Variants in TBC1D5 observed in about 807,000 individuals in gnomAD.
TBC1D5 encodes the protein TBC1 domain family, member 5.
A neutral mutation model predicts 100.3 loss-of-function variants in TBC1D5; 75 were observed. The observed-to-expected ratio is 0.75, with a 90% CI of 0.62 to 0.91. The LOEUF (loss-of-function observed/expected upper bound fraction) is 0.91. TBC1D5 is among the 40% of genes least tolerant of loss of function. TBC1D5 has a pLI of 0.00. For missense variants in TBC1D5, 910 were observed against 942.4 expected (o/e 0.97, Z 0.45); for synonymous variants, 323 against 325.6 (o/e 0.99, Z 0.09).
intron 3 of TBC1D5, among the ~76,000 whole-genome samples, chr3:17,502,096 T>C (rs2095793996): frequency 1.3e-5 from 2 of 149,486 alleles, no homozygotes; most frequent in South Asian, 4.2e-4. Context: ...CCTCTTCCTG[T>C]CTTTGCTCTA....
chr3:17,645,224 A>C (rs2064906120), intron 1 of TBC1D5, among the ~76,000 whole-genome samples: 5 of 152,096 alleles, frequency 3.3e-5, no homozygotes, highest in Admixed American at 6.6e-5. Flanking sequence ...CTTAGGAAAA[A>C]CAGCTTCCTA....
chr3:17,653,092 T>C (rs954149756), intron 1 of TBC1D5, among the ~76,000 whole-genome samples: 1 of 152,180 alleles, frequency 6.6e-6, no homozygotes, highest in African/African-American at 2.4e-5. Context: ...CTATATTCTA[T>C]TATTCCACTT....
intron 2 of TBC1D5, among the ~76,000 whole-genome samples, chr3:17,571,038 G>A (rs1401322370): frequency 1.3e-5 from 2 of 151,868 alleles, no homozygotes; most frequent in Admixed American, 1.3e-4. Context: ...CAACATGCTT[G>A]ACTCAAAAGA....
At chr3:17,489,179 C>T (rs1267604928) in intron 3 of TBC1D5, among the ~76,000 whole-genome samples, 1 of 151,498 alleles carries the variant, frequency 6.6e-6, no homozygotes, top group Non-Finnish European at 1.5e-5. Flanking sequence ...AGAATGTTTG[C>T]TGTAGTATAT....
At chr3:17,262,337 A>G (rs1441142028) in intron 15 of TBC1D5, among the ~76,000 whole-genome samples, 1 of 152,178 alleles carries the variant, frequency 6.6e-6, no homozygotes, top group Non-Finnish European at 1.5e-5. Flanking sequence ...CAGTAAAAAC[A>G]TGGTATTATA....
chr3:17,702,716 G>C (rs2073385350), intron 1 of TBC1D5, among the ~76,000 whole-genome samples: 1 of 152,066 alleles, frequency 6.6e-6, no homozygotes, highest in African/African-American at 2.4e-5. Context: ...ACAAAATTTA[G>C]CAAGATTACT....
chr3:17,537,930 A>T (rs1260059201), intron 2 of TBC1D5, among the ~76,000 whole-genome samples: 1 of 152,212 alleles, frequency 6.6e-6, no homozygotes, highest in East Asian at 1.9e-4. Context: ...GGTCCTGACG[A>T]CATGTGTCCA....
At chr3:17,487,047 G>T (rs2095577932) in intron 3 of TBC1D5, among the ~76,000 whole-genome samples, 1 of 152,112 alleles carries the variant, frequency 6.6e-6, no homozygotes, top group African/African-American at 2.4e-5. Flanking sequence ...TACAACGGTG[G>T]TCAACAAACT....
At chr3:17,492,297 A>G (rs180806877) in intron 3 of TBC1D5, among the ~76,000 whole-genome samples, 141 of 151,650 alleles carry the variant, frequency 9.3e-4, no homozygotes, top group East Asian at 7.0e-3. Flanking sequence ...TCCCACTCTG[A>G]TCTTGGTTAT....
intron 13 of TBC1D5, among the ~76,000 whole-genome samples, chr3:17,364,095 A>T (rs1207602823): frequency 6.6e-6 from 1 of 151,966 alleles, no homozygotes; most frequent in Non-Finnish European, 1.5e-5. Flanking sequence ...GAATGTCTTC[A>T]CTGATATTCT....
chr3:17,632,209 G>A (rs1274247240), intron 1 of TBC1D5, among the ~76,000 whole-genome samples: 1 of 152,108 alleles, frequency 6.6e-6, no homozygotes, highest in Non-Finnish European at 1.5e-5. Context: ...ATATTTCCGT[G>A]GAGTAAAGAA....
intron 3 of TBC1D5, among the ~76,000 whole-genome samples, chr3:17,431,911 AAAG>A (rs2094453194): frequency 6.6e-6 from 1 of 152,118 alleles, no homozygotes; most frequent in Non-Finnish European, 1.5e-5. Context: ...AAATCTTTCT[AAAG>A]GGAGGTTTAC....
intron 3 of TBC1D5, among the ~76,000 whole-genome samples, chr3:17,471,337 A>C (rs2150127927): frequency 6.6e-6 from 1 of 152,344 alleles, no homozygotes; most frequent in African/African-American, 2.4e-5. Flanking sequence ...TAAGAAGGTA[A>C]TGAAATGGTA....
At chr3:17,703,939 T>C (rs1403868116) in intron 1 of TBC1D5, among the ~76,000 whole-genome samples, 1 of 149,966 alleles carries the variant, frequency 6.7e-6, no homozygotes, top group Admixed American at 6.6e-5. Flanking sequence ...ATTTATTTTT[T>C]TATTGATAAT....
chr3:17,189,242 T>TA (rs1489271770), intron 18 of TBC1D5, among the ~76,000 whole-genome samples: 1 of 152,252 alleles, frequency 6.6e-6, no homozygotes, highest in Admixed American at 6.5e-5. Flanking sequence ...TGGATTTAAA[T>TA]ACAAAGTTTT....
At chr3:17,413,450 T>C (rs2093988134) in intron 4 of TBC1D5, among the ~76,000 whole-genome samples, 3 of 152,178 alleles carry the variant, frequency 2.0e-5, no homozygotes, top group Admixed American at 1.3e-4. Context: ...TATTTTGACA[T>C]GGAAAGCAAT....
At chr3:17,742,298 C>A (rs966692925), upstream of TBC1D5, among the ~76,000 whole-genome samples, 2 of 152,158 alleles carry the variant, frequency 1.3e-5, no homozygotes, top group Non-Finnish European at 2.9e-5. Context: ...ACCCTCAGGC[C>A]CTCCCGTGAG....
rs2080480258 is a variant in TBC1D5 at position 17,280,647 on chromosome 3, A to C, written c.1245+11248T>G. On this transcript the variant is annotated intron_variant, in intron 15 of 21. Transcript: ENST00000253692. ...CAGGGGAAGATCATCTTCCTGCTCC[A>C]TCCCCTTCTCAGCTCCCCTTCCCAC... Among the ~76,000 whole-genome samples the C allele has an allele frequency of 1.3e-5, 2 of 152,122 alleles. 1 individual carries two copies. Among genetic ancestry groups the C allele is most frequent in the Admixed American group, 1.3e-4 (2 of 15,278 alleles).
At chr3:17,172,751 C>G (rs2067291740) in intron 19 of TBC1D5, among the ~76,000 whole-genome samples, 2 of 152,164 alleles carry the variant, frequency 1.3e-5, no homozygotes, top group Non-Finnish European at 1.5e-5. Context: ...AAATGGTAAA[C>G]AAACCACTTT....
Sources: gnomAD v4.1 joint callset for allele counts (sites outside exome capture counted in the v4.1 genomes callset) on GRCh38, gnomAD v4.1.1 for gene constraint, MANE v1.5 for transcripts, NCBI Gene and HGNC (gene_info 2026-07-23, HGNC 2026-07-21) for gene names.